The following UQCC1 variants were observed in gnomAD, a reference collection of about 807,000 sequenced individuals.
UQCC1 encodes the protein ubiquinol-cytochrome c reductase complex assembly factor 1, also known as bFGF-repressed Zic-binding protein.
Under a neutral mutation model 48.0 loss-of-function variants are expected in UQCC1, and 38 were observed. The ratio of observed to expected loss-of-function variants is 0.79; its 90% CI spans 0.61 to 1.04. The LOEUF (loss-of-function observed/expected upper bound fraction) is 1.04, where lower values mean the gene tolerates loss of function less well. Ranked by LOEUF, UQCC1 falls within the 50% of genes least tolerant of loss-of-function variation. The pLI, the probability that UQCC1 is intolerant of heterozygous loss-of-function variation, is 0.00. For synonymous variants in UQCC1, 111 were observed against 129.2 expected, an observed-to-expected ratio of 0.86 and a Z score of 0.95; for missense variants, 368 against 381.8, an observed-to-expected ratio of 0.96 and a Z score of 0.30.
chr20:35,365,113 C>T (rs2061651497), intron 6 of UQCC1, among the ~76,000 whole-genome samples: 1 of 152,174 alleles, frequency 6.6e-6, no homozygotes, highest in Admixed American at 6.5e-5. Flanking sequence ...TTTAAGCTAC[C>T]TGATGCGTGG....
intron 7 of UQCC1, among the ~76,000 whole-genome samples, chr20:35,333,539 A>T (rs563060288): frequency 5.3e-4 from 80 of 152,242 alleles, no homozygotes; most frequent in African/African-American, 1.6e-3. Context: ...AGGACAAAGA[A>T]AGTTCTTAAT....
At chr20:35,383,852 GA>G (rs891897958) in intron 3 of UQCC1, among the ~76,000 whole-genome samples, 185 bp downstream of exon 3, 12 of 148,202 alleles carry the variant, frequency 8.1e-5, no homozygotes, top group South Asian at 2.1e-4. Flanking sequence ...CCTTGTCCCT[GA>G]AAAAAAAAAA....
chr20:35,386,817 C>T (rs187613303), intron 2 of UQCC1, among the ~76,000 whole-genome samples: 1 of 151,924 alleles, frequency 6.6e-6, no homozygotes, highest in Non-Finnish European at 1.5e-5. Flanking sequence ...TATTGAACTA[C>T]TAAAGTACCT....
chr20:35,321,311 C>T (rs962371614), intron 7 of UQCC1, among the ~76,000 whole-genome samples: 1 of 151,848 alleles, frequency 6.6e-6, no homozygotes, highest in Non-Finnish European at 1.5e-5. Context: ...CGCTCAGGCA[C>T]GCATGCATAT....
chr20:35,408,049 C>A (rs1272665841), intron 1 of UQCC1, among the ~76,000 whole-genome samples: 1 of 151,876 alleles, frequency 6.6e-6, no homozygotes, highest in Non-Finnish European at 1.5e-5. Flanking sequence ...TGAAGAAGTG[C>A]CCAATATCAC....
chr20:35,401,738 C>T (rs926925418), intron 1 of UQCC1, among the ~76,000 whole-genome samples: 2 of 150,756 alleles, frequency 1.3e-5, no homozygotes, highest in Admixed American at 6.6e-5. Context: ...CTCAGCTCAC[C>T]GCAACCTCTG....
At chr20:35,309,336 G>A in intron 8 of UQCC1, 1 of 375,238 alleles carries the variant, frequency 2.7e-6, no homozygotes, top group Non-Finnish European at 5.4e-6. Flanking sequence ...GGAGGATGAG[G>A]TGGGATGATC....
intron 7 of UQCC1, among the ~76,000 whole-genome samples, chr20:35,323,667 A>G (rs1331698455): frequency 6.6e-6 from 1 of 152,238 alleles, no homozygotes; most frequent in East Asian, 1.9e-4. Flanking sequence ...AGGGCGTTCA[A>G]GATTCTATGG....
rs2060886437 is a variant in UQCC1, at chr20:35,302,917, GTTC to G, written c.*1015_*1017del. On this transcript the variant is annotated 3_prime_UTR_variant, in exon 10 of 10. Transcript: ENST00000374385. ...TGATGGGGGAGGGAGGGGCAATATG[GTTC>G]CCCACCCCCTTTCTTCACTTTAAGA... The G allele has an allele frequency of 6.6e-6, 1 of 152,216 alleles. No individual in the cohort carries two copies. The highest frequency in any genetic ancestry group is 6.5e-5 in the Admixed American group (1 of 15,286). The allele number at this position is 152,216 out of a possible 1,614,324, so 9.4% of individuals were successfully genotyped here.
intron 8 of UQCC1, among the ~76,000 whole-genome samples, chr20:35,310,119 T>C (rs1028635063): frequency 6.6e-6 from 1 of 152,344 alleles, no homozygotes; most frequent in South Asian, 2.1e-4. Context: ...TTACTGCTTA[T>C]CTGCTACTTG....
intron 1 of UQCC1, among the ~76,000 whole-genome samples, chr20:35,396,636 G>A (rs555916565): frequency 6.6e-6 from 1 of 152,306 alleles, no homozygotes; most frequent in South Asian, 2.1e-4. Context: ...TCCAAGACAA[G>A]AGAGATTAAA....
At chr20:35,365,220 T>C (rs2061652414) in intron 6 of UQCC1, among the ~76,000 whole-genome samples, 1 of 152,208 alleles carries the variant, frequency 6.6e-6, no homozygotes, top group Admixed American at 6.5e-5. Flanking sequence ...ATTTATTATA[T>C]AACTTAGGCA....
intron 8 of UQCC1, among the ~76,000 whole-genome samples, chr20:35,312,742 A>T (rs900797848): frequency 6.6e-6 from 1 of 152,224 alleles, no homozygotes; most frequent in Non-Finnish European, 1.5e-5. Context: ...GTTGGGGAGA[A>T]AAAAGATGAG....
intron 7 of UQCC1, among the ~76,000 whole-genome samples, chr20:35,321,273 TGTGTGTGTGTGC>T (rs1169210044): frequency 3.7e-4 from 55 of 150,236 alleles, no homozygotes; most frequent in African/African-American, 7.8e-4. Flanking sequence ...TGTGTGTGTG[TGTGTGTGTGTGC>T]GCGCGCGCGC....
intron 7 of UQCC1, among the ~76,000 whole-genome samples, chr20:35,334,824 A>G (rs2061298226): frequency 6.6e-6 from 1 of 152,222 alleles, no homozygotes; most frequent in South Asian, 2.1e-4. Flanking sequence ...AAGCTCTGGG[A>G]CTTAACACAA....
intron 7 of UQCC1, among the ~76,000 whole-genome samples, chr20:35,321,584 G>C (rs1284723152): frequency 6.6e-6 from 1 of 152,136 alleles, no homozygotes; most frequent in Non-Finnish European, 1.5e-5. Flanking sequence ...GCTGGGCAAG[G>C]TGGCTTACGT....
chr20:35,374,358 A>T, intron 4 of UQCC1, 102 bp from the exon 5 acceptor site: 2 of 912,512 alleles, frequency 2.2e-6, no homozygotes, highest in Non-Finnish European at 3.4e-6. Flanking sequence ...AACTAGAAGG[A>T]AGGGTCCAAA....
chr20:35,329,805 T>G (rs969083951), intron 7 of UQCC1, among the ~76,000 whole-genome samples: 1 of 152,178 alleles, frequency 6.6e-6, no homozygotes, highest in African/African-American at 2.4e-5. Context: ...GTGAGAGGCA[T>G]AGTCAACCCC....
At chr20:35,389,435 G>A (rs1318030057) in intron 2 of UQCC1, among the ~76,000 whole-genome samples, 3 of 151,938 alleles carry the variant, frequency 2.0e-5, no homozygotes, top group South Asian at 2.1e-4. Flanking sequence ...TGGTGAGCTC[G>A]CACCTGTAAT....
Sources: gnomAD v4.1 joint callset for allele counts (sites outside exome capture counted in the v4.1 genomes callset) on GRCh38, gnomAD v4.1.1 for gene constraint, MANE v1.5 for transcripts, NCBI Gene and HGNC (gene_info 2026-07-23, HGNC 2026-07-21) for gene names.